The following SPOCK1 variants were observed in gnomAD, a reference collection of about 807,000 sequenced individuals.
The protein encoded by SPOCK1 is testican-1.
A neutral mutation model predicts 55.3 loss-of-function variants in SPOCK1; 23 were observed. The observed-to-expected ratio is 0.42, with a 90% confidence interval of 0.30 to 0.59. The LOEUF (loss-of-function observed/expected upper bound fraction) is 0.59. SPOCK1 is among the 20% of genes least tolerant of loss of function. The pLI is 0.22. For synonymous variants in SPOCK1, 226 were observed against 221.0 expected (o/e 1.02, Z -0.20); for missense variants, 499 against 552.5 (o/e 0.90, Z 0.97).
In SPOCK1 at chr5:137,364,709, A is replaced by G. The variant is rs549874447; in HGVS notation, c.187-97654T>C. Among the ~76,000 whole-genome samples, 125 of 152,350 alleles carry G rather than the reference A, an allele frequency of 8.2e-4. 1 individual carries two copies. Among genetic ancestry groups the G allele is most frequent in the African/African-American group, 2.9e-3 (121 of 41,588 alleles). ...AGCCTATATTGTGGGACAGTGCCCA[A>G]TACTCACTGCTTACAACACCACAGC... On this transcript the variant is annotated intron_variant, in intron 2 of 10. Transcript: ENST00000394945.
chr5:137,093,863 G>C (rs1859349), intron 5 of SPOCK1, among the ~76,000 whole-genome samples: 42,295 of 152,094 alleles, frequency 0.28, 6,109 homozygotes, highest in Non-Finnish European at 0.32. Flanking sequence ...GAGAACCTGG[G>C]GGAGCAGGGT....
intron 5 of SPOCK1, among the ~76,000 whole-genome samples, chr5:137,086,570 G>A (rs765759593): frequency 2.0e-5 from 3 of 152,200 alleles, no homozygotes; most frequent in Non-Finnish European, 2.9e-5. Context: ...GGAGGTGGCT[G>A]GCTGGGGTTC....
chr5:137,090,351 G>A (rs1753031338), intron 5 of SPOCK1, among the ~76,000 whole-genome samples: 1 of 152,060 alleles, frequency 6.6e-6, no homozygotes, highest in Admixed American at 6.6e-5. Context: ...CCTCTCTTTT[G>A]TTGTGTAAGA....
chr5:137,039,254 C>A (rs1048739148), intron 6 of SPOCK1, among the ~76,000 whole-genome samples: 1 of 137,212 alleles, frequency 7.3e-6, no homozygotes, highest in Admixed American at 7.6e-5. Context: ...ATCACTCTGC[C>A]TTTCTGCCTG....
chr5:137,201,749 T>A (rs1361639617), intron 3 of SPOCK1, among the ~76,000 whole-genome samples: 1 of 152,184 alleles, frequency 6.6e-6, no homozygotes, highest in Non-Finnish European at 1.5e-5. Flanking sequence ...GACTGCTTAA[T>A]CCCAACTTGG....
intron 2 of SPOCK1, among the ~76,000 whole-genome samples, chr5:137,371,579 C>CA (rs371397013): frequency 6.6e-6 from 1 of 152,274 alleles, no homozygotes; most frequent in African/African-American, 2.4e-5. Flanking sequence ...ATTACCAATA[C>CA]AAATGAGGAG....
At chr5:137,138,176 A>G (rs1056999502) in intron 4 of SPOCK1, among the ~76,000 whole-genome samples, 1 of 152,208 alleles carries the variant, frequency 6.6e-6, no homozygotes, top group African/African-American at 2.4e-5. Flanking sequence ...GAAATAGCCA[A>G]CCTGGGAATT....
At chr5:137,073,010 T>G (rs968812783) in intron 5 of SPOCK1, among the ~76,000 whole-genome samples, 4 of 152,158 alleles carry the variant, frequency 2.6e-5, no homozygotes, top group Non-Finnish European at 5.9e-5. Flanking sequence ...GACGGGAGAA[T>G]AACCACCCAT....
At chr5:137,116,149 A>C (rs896402464) in intron 4 of SPOCK1, among the ~76,000 whole-genome samples, 5 of 152,214 alleles carry the variant, frequency 3.3e-5, no homozygotes, top group Admixed American at 6.5e-5. Flanking sequence ...GGCACCACAC[A>C]CAAAATCCCA....
intron 2 of SPOCK1, among the ~76,000 whole-genome samples, chr5:137,484,983 G>T (rs1056447404): frequency 3.3e-5 from 5 of 152,072 alleles, no homozygotes; most frequent in African/African-American, 1.2e-4. Context: ...AAACAGCAAT[G>T]ATAATAAAAC....
At chr5:137,219,769 T>C (rs77437145) in intron 3 of SPOCK1, among the ~76,000 whole-genome samples, 1,733 of 152,332 alleles carry the variant, frequency 0.011, 35 homozygotes, top group African/African-American at 0.039. Flanking sequence ...GCTGAGGTCT[T>C]GGCCCTGGCT....
intron 2 of SPOCK1, among the ~76,000 whole-genome samples, chr5:137,484,222 C>T (rs1047863028): frequency 6.6e-6 from 1 of 152,196 alleles, no homozygotes; most frequent in Non-Finnish European, 1.5e-5. Flanking sequence ...AGCATCTGCT[C>T]CTGCTCCTAA....
intron 2 of SPOCK1, among the ~76,000 whole-genome samples, chr5:137,409,335 G>A (rs2127188105): frequency 6.6e-6 from 1 of 152,348 alleles, no homozygotes; most frequent in Middle Eastern, 3.4e-3. Context: ...AAAGCCATGG[G>A]TTTGGGGAAT....
At chr5:137,453,868 T>C (rs924771550) in intron 2 of SPOCK1, among the ~76,000 whole-genome samples, 2 of 152,116 alleles carry the variant, frequency 1.3e-5, no homozygotes, top group Non-Finnish European at 2.9e-5. Flanking sequence ...ATCAAGGTCT[T>C]AGAGGTCTAA....
At chr5:137,132,715 T>TC (rs1753908313) in intron 4 of SPOCK1, among the ~76,000 whole-genome samples, 1 of 152,134 alleles carries the variant, frequency 6.6e-6, no homozygotes, top group Non-Finnish European at 1.5e-5. Flanking sequence ...AAAACATGGC[T>TC]CAAAAAAAAG....
In SPOCK1 at chr5:137,268,504, A is replaced by G. The variant is rs145323698; in HGVS notation, c.187-1449T>C. On this transcript the variant is annotated intron_variant, in intron 2 of 10. Transcript: ENST00000394945. The stretch of plus-strand genomic sequence containing the variant: ...TCTTTCCCCATTTATAAGTTTAAAT[A>G]CAATCCCAAACTTTTGGAATTGTGC... Among the ~76,000 whole-genome samples, 958 of 152,368 alleles carry G rather than the reference A, an allele frequency of 6.3e-3. 4 individuals are homozygous for G. Among genetic ancestry groups the G allele is most frequent in the African/African-American group, 0.023 (939 of 41,580 alleles).
intron 3 of SPOCK1, among the ~76,000 whole-genome samples, chr5:137,238,001 A>G (rs752570171): frequency 7.9e-5 from 12 of 152,234 alleles, no homozygotes; most frequent in Non-Finnish European, 1.5e-4. Flanking sequence ...GGACACCGGG[A>G]TGAAGGAGAT....
intron 2 of SPOCK1, among the ~76,000 whole-genome samples, chr5:137,470,903 G>C (rs1753726531): frequency 1.3e-5 from 2 of 152,212 alleles, no homozygotes; most frequent in African/African-American, 4.8e-5. Context: ...TAGTGGGTTA[G>C]TCATCCAACC....
intron 4 of SPOCK1, among the ~76,000 whole-genome samples, chr5:137,124,700 C>T (rs953803711): frequency 2.6e-5 from 4 of 152,172 alleles, no homozygotes; most frequent in Admixed American, 1.3e-4. Flanking sequence ...CTGCAGCACT[C>T]TGAAGAACAC....
Sources: gnomAD v4.1 joint callset for allele counts (sites outside exome capture counted in the v4.1 genomes callset) on GRCh38, gnomAD v4.1.1 for gene constraint, MANE v1.5 for transcripts, NCBI Gene and HGNC (gene_info 2026-07-23, HGNC 2026-07-21) for gene names.